AMHR2: variants seen among roughly 807,000 people sequenced by gnomAD.
AMHR2 encodes the protein anti-Mullerian hormone receptor type 2, also known as anti-Muellerian hormone type-2 receptor.
Under a neutral mutation model 61.4 loss-of-function variants are expected in AMHR2, and 36 were observed. That is an observed-to-expected ratio of 0.59 (90% CI 0.45 to 0.77). The LOEUF (loss-of-function observed/expected upper bound fraction) is 0.77, where lower values mean the gene tolerates loss of function less well. AMHR2 is among the 30% of genes least tolerant of loss of function. The pLI, the probability that AMHR2 is intolerant of heterozygous loss-of-function variation, is 0.00. For missense variants in AMHR2, 638 were observed against 714.6 expected, an observed-to-expected ratio of 0.89 and a Z score of 1.22; for synonymous variants, 258 against 279.4, an observed-to-expected ratio of 0.92 and a Z score of 0.76.
chr12:53,429,823 C>A lies in AMHR2; in HGVS notation c.1141-8C>A, dbSNP rs1383532976. The A allele has an allele frequency of 1.2e-6, 2 of 1,614,084 alleles. No individual in the cohort carries two copies. The highest frequency in any genetic ancestry group is 4.5e-5 in the East Asian group (2 of 44,898). On this transcript the variant is annotated splice_region_variant and splice_polypyrimidine_tract_variant and intron_variant, in intron 8 of 10. Coordinates refer to ENST00000257863, the MANE Select transcript of AMHR2 (RefSeq NM_020547.3). Reference sequence around the variant, plus strand: ...ATGATTCTTGGCCCTTCGTGCCTTGCTCTCCAGGCTGGCACCCAGAGGTAC... The same window carrying A: ...ATGATTCTTGGCCCTTCGTGCCTTGATCTCCAGGCTGGCACCCAGAGGTAC...
rs1215686812 is a variant in AMHR2, at chr12:53,429,879, G to A, written c.1189G>A (p.Asp397Asn). The A allele has an allele frequency of 3.1e-6, 5 of 1,614,192 alleles. No individual in the cohort carries two copies. Among genetic ancestry groups the A allele is most frequent in the Non-Finnish European group, 4.2e-6 (5 of 1,180,036 alleles). ...MAPELLDKTLDLQDWGMALRR... is the reference protein window; with the variant it reads ...MAPELLDKTLNLQDWGMALRR... Reference sequence around the variant, plus strand: ...ACCAGAGCTCTTGGACAAGACTCTGGACCTACAGGATTGGGGCATGGCCCT... The same window carrying A: ...ACCAGAGCTCTTGGACAAGACTCTGAACCTACAGGATTGGGGCATGGCCCT... The change falls in exon 9 of 11, where the codon GAC (aspartate) becomes AAC (asparagine). Residue 397 changes from aspartate to asparagine, a missense_variant. Physicochemically the swap from Asp to Asn is conservative, Grantham distance 23. Coordinates refer to ENST00000257863, the MANE Select transcript of AMHR2 (RefSeq NM_020547.3).
Position 53,428,959 on chromosome 12 carries a change from C to G in AMHR2, c.916C>G (p.Leu306Val). Residue 306 changes from leucine (L) to valine (V), a missense_variant, in exon 7 of 11, where the codon CTG becomes GTG. Coordinates refer to ENST00000257863, the MANE Select transcript of AMHR2 (RefSeq NM_020547.3). ...CTGGGGAAGTTCCCTGCGGATGGCA[C>G]TGTCCCTGGCCCAGGGCCTGGCATT... Reference protein sequence around the residue: ...SDWGSSLRMALSLAQGLAFLH... With the variant: ...SDWGSSLRMAVSLAQGLAFLH... 3 of 1,551,634 alleles carry G rather than the reference C, an allele frequency of 1.9e-6. No individual in the cohort carries two copies. Among genetic ancestry groups the G allele is most frequent in the Non-Finnish European group, 2.6e-6 (3 of 1,147,036 alleles).
rs1454133670 is a variant in AMHR2 at position 53,424,019 on chromosome 12, C to T, written c.49+36C>T. 9.9e-6 allele frequency: 16 copies of T among 1,610,636 alleles called. No individual in the cohort carries two copies. The African/African-American group carries it at 1.3e-4, about 13-fold the overall frequency. ...ACAGGGAGGGGAAGGGTCTCTCCAT[C>T]CATCCAGCAAGGGAAAGGGGCGCTT... On this transcript the variant is annotated intron_variant, in intron 1 of 10. Coordinates refer to ENST00000257863, the MANE Select transcript of AMHR2 (RefSeq NM_020547.3).
chr12:53,425,770 A>G lies in AMHR2; in HGVS notation c.703A>G (p.Arg235Gly), dbSNP rs146343768. Residue 235 changes from arginine to glycine, a missense_variant, in exon 6 of 11, where the codon AGG (arginine) becomes GGG (glycine). Arg to Gly is a moderately radical substitution (Grantham distance 125). Coordinates refer to ENST00000257863, the MANE Select transcript of AMHR2 (RefSeq NM_020547.3). ...KLVAIKAFPPRSVAQFQAERA... is the reference protein window; with the variant it reads ...KLVAIKAFPPGSVAQFQAERA... Reference sequence around the variant, plus strand: ...GGTTGCCATCAAGGCCTTCCCACCGAGGTCTGTGGCTCAGTTCCAAGCTGA... The same window carrying G: ...GGTTGCCATCAAGGCCTTCCCACCGGGGTCTGTGGCTCAGTTCCAAGCTGA... 5.1e-5 allele frequency: 82 copies of G among 1,614,050 alleles called. No individual in the cohort carries two copies. Among genetic ancestry groups the G allele is most frequent in the Non-Finnish European group, 6.9e-5 (81 of 1,180,050 alleles).
chr12:53,425,174 T>C lies in AMHR2; in HGVS notation c.434T>C (p.Ile145Thr). Residue 145 changes from isoleucine to threonine, a missense_variant, in exon 4 of 11, where the codon ATC becomes ACC. Physicochemically the swap from Ile to Thr is moderately conservative, Grantham distance 89. Transcript: ENST00000257863. ...TTGCCTTGATGTCCAGGTGAGTCCA[T>C]CTGGATGGCACTGGTGCTGCTGGGG... ...QGPQAAPGES[I>T]WMALVLLGLF... 6.2e-7 allele frequency: 1 copy of C among 1,613,910 alleles called. No homozygotes were observed. Among genetic ancestry groups the C allele is most frequent in the East Asian group, 2.2e-5 (1 of 44,864 alleles).
chr12:53,427,500 G>T (rs1289086558), intron 6 of AMHR2, among the ~76,000 whole-genome samples: 1 of 152,100 alleles, frequency 6.6e-6, no homozygotes, highest in African/African-American at 2.4e-5. Flanking sequence ...CTACCTCCTG[G>T]TTTCAAGCAA....
At chr12:53,428,763 T>C (rs556542729) in intron 6 of AMHR2, 133 bp from the exon 7 acceptor site, 135 of 717,948 alleles carry the variant, frequency 1.9e-4, no homozygotes, top group Admixed American at 2.0e-4. Flanking sequence ...CCTATTGTCT[T>C]GGCCAGCATC....
At chr12:53,429,033 G>A in intron 7 of AMHR2, 23 bp downstream of exon 7, 1 of 1,528,898 alleles carries the variant, frequency 6.5e-7, no homozygotes. Flanking sequence ...GGCATAGGAA[G>A]TCAAGGGAGC....
At position 53,425,769 on chromosome 12, in the gene AMHR2, G is replaced by C. The variant is rs56226427; in HGVS notation, c.702G>C (p.Pro234=). Residue 234 remains proline (P), a synonymous_variant, in exon 6 of 11, where the codon CCG becomes CCC. Coordinates refer to ENST00000257863, the MANE Select transcript of AMHR2 (RefSeq NM_020547.3). ...TGGTTGCCATCAAGGCCTTCCCACC[G>C]AGGTCTGTGGCTCAGTTCCAAGCTG... The part of the protein sequence containing the change: ...GKLVAIKAFP[P]RSVAQFQAER... The C allele has an allele frequency of 1.9e-6, 3 of 1,614,150 alleles. No homozygotes were observed. Among genetic ancestry groups the C allele is most frequent in the Non-Finnish European group, 2.5e-6 (3 of 1,180,030 alleles).
Position 53,423,968 on chromosome 12 carries a change from C to T in AMHR2, c.34C>T (p.Pro12Ser). 1 of 1,614,116 alleles carries T rather than the reference C, an allele frequency of 6.2e-7. No individual in the cohort carries two copies. Among genetic ancestry groups the T allele is most frequent in the East Asian group, 2.2e-5 (1 of 44,880 alleles). ...LGSLGLWALL[P>S]TAVEAPPNRR... ...GTCTTTGGGGCTTTGGGCATTACTTCCCACAGCTGTGGAAGGTAAGTGTCT... is the reference window on the plus strand; with the variant it reads ...GTCTTTGGGGCTTTGGGCATTACTTTCCACAGCTGTGGAAGGTAAGTGTCT... Residue 12 changes from proline (P) to serine (S), a missense_variant, in exon 1 of 11, where the codon CCC becomes TCC. Coordinates refer to ENST00000257863, the MANE Select transcript of AMHR2 (RefSeq NM_020547.3).
In AMHR2 at chr12:53,431,535, C is replaced by T. The variant is rs1418406431; in HGVS notation, c.*62C>T. On this transcript the variant is annotated 3_prime_UTR_variant, in exon 11 of 11. Coordinates refer to ENST00000257863, the MANE Select transcript of AMHR2 (RefSeq NM_020547.3). ...ATAAATATGGCGATTGTATAGCTGT[C>T]TTGTCTGCCTCATCACTGCATTTCC... 1.6e-5 allele frequency: 25 copies of T among 1,601,586 alleles called. No homozygotes were observed. The Middle Eastern group carries it at 8.2e-4, about 53-fold the overall frequency.
intron 1 of AMHR2, 126 bp downstream of exon 1, chr12:53,424,109 G>T: frequency 7.4e-7 from 1 of 1,345,030 alleles, no homozygotes; most frequent in Non-Finnish European, 1.1e-6. Flanking sequence ...GAAGGATAGA[G>T]CCATGTGTCC....
intron 2 of AMHR2, 102 bp downstream of exon 2, chr12:53,424,572 G>A: frequency 6.4e-7 from 1 of 1,553,156 alleles, no homozygotes; most frequent in Non-Finnish European, 8.8e-7. Context: ...TAGAACATCT[G>A]GTGGGAAAGA....
In AMHR2 at chr12:53,425,444, G is replaced by T. The variant is rs777917652; in HGVS notation, c.503-11G>T. On this transcript the variant is annotated splice_polypyrimidine_tract_variant and intron_variant, in intron 4 of 10. Transcript: ENST00000257863. ...TTTGCACCCTGACCCTAAGGCTCTT[G>T]TCTGTTCCAGCCCTGCTACAGCGAA... The T allele has an allele frequency of 4.3e-6, 7 of 1,613,556 alleles. No individual in the cohort carries two copies. Among genetic ancestry groups the T allele is most frequent in the Middle Eastern group, 3.3e-4 (2 of 6,062 alleles).
At position 53,425,086 on chromosome 12, in the gene AMHR2, G is replaced by A. The variant is rs1048209617; in HGVS notation, c.425-79G>A. The A allele has an allele frequency of 1.0e-5, 16 of 1,604,996 alleles. No homozygotes were observed. In the East Asian group the frequency reaches 1.8e-4, roughly 18 times the overall value. On this transcript the variant is annotated intron_variant, in intron 3 of 10. Transcript: ENST00000257863. ...GACCAGGGTGGGGGTGGGTTGAGACGCAAGCTCTCAGGAGGGGAAGAGCAG... is the reference window on the plus strand; with the variant it reads ...GACCAGGGTGGGGGTGGGTTGAGACACAAGCTCTCAGGAGGGGAAGAGCAG...
chr12:53,425,977 G>A (rs1939547014), intron 6 of AMHR2, 58 bp downstream of exon 6: 5 of 1,505,676 alleles, frequency 3.3e-6, no homozygotes, highest in Non-Finnish European at 3.7e-6. Flanking sequence ...TATAGAGGTG[G>A]GGGCTACATG....
intron 6 of AMHR2, 37 bp from the exon 7 acceptor site, chr12:53,428,859 C>A: frequency 6.8e-7 from 1 of 1,474,878 alleles, no homozygotes; most frequent in Non-Finnish European, 9.3e-7. Context: ...CCGTCTCCAG[C>A]TTTGTGTACC....
rs1166368818 is a variant in AMHR2, at chr12:53,429,556, G to A, written c.1071G>A (p.Val357=). ...TTGGAGACCTGGGCCTTGCCTTGGTGCTCCCTGGCCTCACTCAGCCCCCTG... is the reference window on the plus strand; with the variant it reads ...TTGGAGACCTGGGCCTTGCCTTGGTACTCCCTGGCCTCACTCAGCCCCCTG... ...CAIGDLGLAL[V]LPGLTQPPAW... Residue 357 remains valine, a synonymous_variant, in exon 8 of 11, where the codon GTG becomes GTA. Coordinates refer to ENST00000257863, the MANE Select transcript of AMHR2 (RefSeq NM_020547.3). 8.1e-6 allele frequency: 13 copies of A among 1,613,702 alleles called. No individual in the cohort carries two copies. Among genetic ancestry groups the A allele is most frequent in the South Asian group, 6.6e-5 (6 of 91,078 alleles).
At chr12:53,427,483 G>T (rs1371061328) in intron 6 of AMHR2, among the ~76,000 whole-genome samples, 6 of 152,134 alleles carry the variant, frequency 3.9e-5, no homozygotes, top group African/African-American at 1.4e-4. Flanking sequence ...TTGGCTCACT[G>T]CAGCCTCTAC....
Sources: gnomAD v4.1 joint callset for allele counts (sites outside exome capture counted in the v4.1 genomes callset) on GRCh38, gnomAD v4.1.1 for gene constraint, MANE v1.5 for transcripts, NCBI Gene and HGNC (gene_info 2026-07-23, HGNC 2026-07-21) for gene names.